The following EXOC2 variants were observed in gnomAD, a reference collection of about 807,000 sequenced individuals.
EXOC2 encodes exocyst complex component 2, also known as SEC5-like 1.
EXOC2 carries 70 observed loss-of-function variants against 131.8 expected under a neutral mutation model. That is an observed-to-expected ratio of 0.53 (90% CI 0.44 to 0.65). EXOC2 has a LOEUF of 0.65. Among genes scored for constraint, EXOC2 ranks in the 30% least tolerant of loss-of-function variants. The pLI, the probability that EXOC2 is intolerant of heterozygous loss-of-function variation, is 0.00. For missense variants in EXOC2, 923 were observed against 1,108.6 expected (o/e 0.83, Z 2.38); for synonymous variants, 411 against 398.4 (o/e 1.03, Z -0.38).
intron 6 of EXOC2, among the ~76,000 whole-genome samples, chr6:616,897 G>A (rs1761044060): frequency 6.6e-6 from 1 of 151,664 alleles, no homozygotes; most frequent in African/African-American, 2.4e-5. Flanking sequence ...TATGCACTAC[G>A]CCTGGCTAAT....
At chr6:501,115 A>C (rs1764031645) in intron 23 of EXOC2, among the ~76,000 whole-genome samples, 1 of 79,558 alleles carries the variant, frequency 1.3e-5, no homozygotes, top group Admixed American at 2.0e-4. Context: ...TATATTATAT[A>C]TATCTATATA....
chr6:622,472 T>A (rs1259398136), intron 4 of EXOC2, among the ~76,000 whole-genome samples: 1 of 152,132 alleles, frequency 6.6e-6, no homozygotes. Flanking sequence ...TCTCTGCCCA[T>A]AATCGAACAG....
chr6:578,546 A>ACT (rs1758714119), intron 11 of EXOC2, among the ~76,000 whole-genome samples: 1 of 152,228 alleles, frequency 6.6e-6, no homozygotes, highest in Non-Finnish European at 1.5e-5. Flanking sequence ...GACGTGACAC[A>ACT]CTATCATCTC....
At chr6:595,064 A>G (rs1418425899) in intron 10 of EXOC2, among the ~76,000 whole-genome samples, 1 of 150,782 alleles carries the variant, frequency 6.6e-6, no homozygotes, top group Non-Finnish European at 1.5e-5. Context: ...GCTACCAGGG[A>G]TAAGATCACA....
chr6:488,043 GAAA>G (rs761661549), intron 27 of EXOC2, among the ~76,000 whole-genome samples: 4 of 152,362 alleles, frequency 2.6e-5, no homozygotes, highest in Middle Eastern at 6.8e-3. Flanking sequence ...GAAGCAGCAA[GAAA>G]AAGGAAGAAA....
In EXOC2 at chr6:561,599, C is replaced by CT. The variant is rs557404608; in HGVS notation, c.1851+1184dup. On this transcript the variant is annotated intron_variant, in intron 17 of 27. Transcript: ENST00000230449. ...CCTCCTAGGATTGCTATCTTTTTTT[C>CT]TTTTTTTGACAGAGTCTCGCTCTGT... is the stretch of plus-strand genomic sequence containing the variant. Among the ~76,000 whole-genome samples the CT allele has an allele frequency of 3.0e-4, 45 of 151,790 alleles. 1 individual carries two copies. Among genetic ancestry groups the CT allele is most frequent in the Middle Eastern group, 3.4e-3 (1 of 294 alleles).
At chr6:529,956 T>C (rs1017764277) in intron 23 of EXOC2, among the ~76,000 whole-genome samples, 6 of 152,228 alleles carry the variant, frequency 3.9e-5, no homozygotes, top group Non-Finnish European at 7.3e-5. Flanking sequence ...CATTGTTCGG[T>C]AAGAGTTTAA....
Position 532,464 on chromosome 6 carries a change from C to A in EXOC2, c.2380+5G>T, listed in dbSNP as rs982990686. 6.4e-7 allele frequency: 1 copy of A among 1,571,346 alleles called. No homozygotes were observed. Among genetic ancestry groups the A allele is most frequent in the East Asian group, 2.3e-5 (1 of 43,252 alleles). The stretch of plus-strand genomic sequence containing the variant: ...ATCTATTACTCAAGAAACTTTATTA[C>A]TTACCTGTTGGAGGCAGGCAGTCCT... On this transcript the variant is annotated splice_donor_5th_base_variant and intron_variant, in intron 23 of 27. Transcript: ENST00000230449.
intron 11 of EXOC2, among the ~76,000 whole-genome samples, chr6:583,171 C>A (rs901328230): frequency 6.6e-6 from 1 of 151,994 alleles, no homozygotes; most frequent in African/African-American, 2.4e-5. Flanking sequence ...AAAGGAATTA[C>A]AAAAATAACA....
chr6:631,430 GCA>G (rs1385622135), intron 3 of EXOC2, among the ~76,000 whole-genome samples: 9 of 151,988 alleles, frequency 5.9e-5, no homozygotes, highest in South Asian at 2.1e-4. Context: ...CCCGGCTACT[GCA>G]GAGGCTGAGG....
At chr6:658,744 C>A (rs1397598729) in intron 1 of EXOC2, among the ~76,000 whole-genome samples, 1 of 149,122 alleles carries the variant, frequency 6.7e-6, no homozygotes, top group African/African-American at 2.5e-5. Context: ...TCACTGCGAC[C>A]TCTACCTCTC....
At chr6:687,168 A>ATTTTTTTTTTT (rs1292769233) in intron 1 of EXOC2, among the ~76,000 whole-genome samples, 15 of 40,690 alleles carry the variant, frequency 3.7e-4, no homozygotes, top group Non-Finnish European at 5.6e-4. Flanking sequence ...ATCAAATAAT[A>ATTTTTTTTTTT]TTCTTTTTTT....
chr6:671,358 A>C (rs937163173), intron 1 of EXOC2, among the ~76,000 whole-genome samples: 4 of 151,748 alleles, frequency 2.6e-5, no homozygotes, highest in African/African-American at 9.7e-5. Flanking sequence ...CAACAACAAA[A>C]AAAAACAAAA....
chr6:616,459 C>T (rs1011582723), intron 6 of EXOC2, among the ~76,000 whole-genome samples: 8 of 151,720 alleles, frequency 5.3e-5, no homozygotes, highest in African/African-American at 1.5e-4. Context: ...AAAAATTAGC[C>T]GGGCGCAGTG....
At chr6:641,401 AG>A (rs887048199) in intron 1 of EXOC2, among the ~76,000 whole-genome samples, 1 of 152,144 alleles carries the variant, frequency 6.6e-6, no homozygotes, top group Non-Finnish European at 1.5e-5. Flanking sequence ...ACCACGCCCT[AG>A]TATAGGCCAA....
chr6:597,635 T>G (rs570246653), intron 10 of EXOC2, among the ~76,000 whole-genome samples: 1 of 152,206 alleles, frequency 6.6e-6, no homozygotes, highest in Non-Finnish European at 1.5e-5. Context: ...TGTGGCATAA[T>G]GCATTTCCCA....
rs140761872 is a variant in EXOC2 at position 488,120 on chromosome 6, G to A, written c.2681+859C>T. On this transcript the variant is annotated intron_variant, in intron 27 of 27. Transcript: ENST00000230449. ...TGCCCACGTGGGATGCGTGCGGGGC[G>A]GGGCGGCGATGCCCCCGGGGACTGA... is the stretch of plus-strand genomic sequence containing the variant. Among the ~76,000 whole-genome samples, 223 of 152,340 alleles carry A rather than the reference G, an allele frequency of 1.5e-3. 1 individual carries two copies. Among genetic ancestry groups the A allele is most frequent in the Non-Finnish European group, 2.2e-3 (152 of 68,040 alleles).
At position 684,738 on chromosome 6, in the gene EXOC2, A is replaced by G. The variant is rs532304505; in HGVS notation, c.-44+8281T>C. Reference sequence around the variant, plus strand: ...CTAGAAAAAAAGACAGTAAGTTGTCATTTTTCACAGAACTTCAGACTAAAA... The same window carrying G: ...CTAGAAAAAAAGACAGTAAGTTGTCGTTTTTCACAGAACTTCAGACTAAAA... On this transcript the variant is annotated intron_variant, in intron 1 of 27. Transcript: ENST00000230449. Among the ~76,000 whole-genome samples the G allele has an allele frequency of 2.4e-3, 358 of 152,298 alleles. 1 individual carries two copies. Among genetic ancestry groups the G allele is most frequent in the African/African-American group, 8.4e-3 (348 of 41,566 alleles).
chr6:592,937 G>C (rs374348639), intron 10 of EXOC2, among the ~76,000 whole-genome samples: 1 of 152,130 alleles, frequency 6.6e-6, no homozygotes, highest in Non-Finnish European at 1.5e-5. Context: ...GGCTGAGGCA[G>C]GAGAATCGCT....
Sources: gnomAD v4.1 joint callset for allele counts (sites outside exome capture counted in the v4.1 genomes callset) on GRCh38, gnomAD v4.1.1 for gene constraint, MANE v1.5 for transcripts, NCBI Gene and HGNC (gene_info 2026-07-23, HGNC 2026-07-21) for gene names.